NCOA2: variants seen among roughly 807,000 people sequenced by gnomAD.
The protein encoded by NCOA2 is class E basic helix-loop-helix protein 75.
In NCOA2, 21 loss-of-function variants were observed where a neutral mutation model predicts 145.1. The ratio of observed to expected loss-of-function variants is 0.14; its 90% confidence interval spans 0.10 to 0.21. NCOA2 has a LOEUF of 0.21. Ranked by LOEUF, NCOA2 falls within the 10% of genes least tolerant of loss-of-function variation. The pLI is 1.00. For missense variants in NCOA2, 1,472 were observed against 1,837.6 expected (o/e 0.80, Z 3.64); for synonymous variants, 619 against 637.5 (o/e 0.97, Z 0.44).
intron 1 of NCOA2, among the ~76,000 whole-genome samples, chr8:70,369,603 C>T (rs1437256059): frequency 6.6e-6 from 1 of 151,500 alleles, no homozygotes; most frequent in African/African-American, 2.4e-5. Context: ...CAATCTTTAT[C>T]ATCATCCTTC....
intron 21 of NCOA2, among the ~76,000 whole-genome samples, chr8:70,122,281 G>T (rs996193423): frequency 1.2e-4 from 18 of 152,150 alleles, no homozygotes; most frequent in African/African-American, 3.6e-4. Context: ...ATAGGGTCTT[G>T]ATCTGTTACC....
At chr8:70,233,843 A>C (rs1821360005) in intron 2 of NCOA2, among the ~76,000 whole-genome samples, 1 of 152,112 alleles carries the variant, frequency 6.6e-6, no homozygotes, top group Admixed American at 6.5e-5. Context: ...TCTATTTTAA[A>C]AATTATTTTT....
chr8:70,291,803 T>C (rs1350132230), intron 2 of NCOA2, among the ~76,000 whole-genome samples: 1 of 152,154 alleles, frequency 6.6e-6, no homozygotes, highest in Admixed American at 6.5e-5. Flanking sequence ...GATTAAGACT[T>C]TGAATAAGTT....
At chr8:70,401,566 A>C (rs1451232255) in intron 1 of NCOA2, among the ~76,000 whole-genome samples, 1 of 152,032 alleles carries the variant, frequency 6.6e-6, no homozygotes, top group Non-Finnish European at 1.5e-5. Flanking sequence ...TTTTAATGAC[A>C]TCCCCAATGC....
chr8:70,274,844 A>G (rs1338758620), intron 2 of NCOA2, among the ~76,000 whole-genome samples: 1 of 152,088 alleles, frequency 6.6e-6, no homozygotes, highest in Admixed American at 6.5e-5. Context: ...TCTCATCGCT[A>G]CTCGTGAACT....
intron 1 of NCOA2, among the ~76,000 whole-genome samples, chr8:70,398,778 A>G (rs1267332380): frequency 6.6e-6 from 1 of 152,236 alleles, no homozygotes; most frequent in Non-Finnish European, 1.5e-5. Flanking sequence ...ATTTCCAACC[A>G]GAGAACCAAC....
At chr8:70,293,160 T>C (rs755759376) in intron 2 of NCOA2, among the ~76,000 whole-genome samples, 4 of 152,194 alleles carry the variant, frequency 2.6e-5, no homozygotes, top group Non-Finnish European at 5.9e-5. Context: ...GCAAAAGATA[T>C]ATATTTCAGT....
intron 4 of NCOA2, among the ~76,000 whole-genome samples, chr8:70,210,465 G>A (rs775912803): frequency 1.3e-5 from 2 of 152,158 alleles, no homozygotes; most frequent in Non-Finnish European, 2.9e-5. Context: ...AAACTCTTGT[G>A]TGTACTTGCT....
upstream of NCOA2, chr8:70,403,934 G>T: frequency 2.7e-6 from 1 of 375,414 alleles, no homozygotes; most frequent in Non-Finnish European, 4.7e-6. Flanking sequence ...CAGGGGAGGG[G>T]GCTCGGGAGC....
intron 1 of NCOA2, among the ~76,000 whole-genome samples, chr8:70,303,805 T>TA (rs1279208433): frequency 1.3e-5 from 2 of 152,090 alleles, no homozygotes; most frequent in Non-Finnish European, 2.9e-5. Context: ...AGGGGGAAGA[T>TA]AAGTTATTGG....
chr8:70,368,721 T>C (rs988432748), intron 1 of NCOA2, among the ~76,000 whole-genome samples: 12 of 152,222 alleles, frequency 7.9e-5, no homozygotes, highest in African/African-American at 2.2e-4. Context: ...GACAGTATTA[T>C]TGGTCCTAAG....
chr8:70,229,764 A>T (rs908543281), intron 2 of NCOA2, among the ~76,000 whole-genome samples: 1 of 152,314 alleles, frequency 6.6e-6, no homozygotes, highest in East Asian at 1.9e-4. Flanking sequence ...CTCTGACCAG[A>T]CCTGCTGAAA....
rs144241940 is a variant in NCOA2 at position 70,361,483 on chromosome 8, AAAAG to A, written c.-77+42213_-77+42216del. Among the ~76,000 whole-genome samples the A allele has an allele frequency of 6.0e-3, 909 of 152,334 alleles. 5 individuals carry two copies. Among genetic ancestry groups the A allele is most frequent in the African/African-American group, 0.02 (837 of 41,572 alleles). ...AAAACTCCGTCTCAAAAAAGAAAAAAAAAGAAAGAAAGAAGAAAAACATGATTGA... is the reference window on the plus strand; with the variant it reads ...AAAACTCCGTCTCAAAAAAGAAAAAAAAAGAAAGAAGAAAAACATGATTGA... On this transcript the variant is annotated intron_variant, in intron 1 of 22. Transcript: ENST00000452400.
intron 4 of NCOA2, among the ~76,000 whole-genome samples, chr8:70,185,318 A>G (rs970500709): frequency 1.3e-5 from 2 of 152,218 alleles, no homozygotes; most frequent in Non-Finnish European, 2.9e-5. Flanking sequence ...CTAATGCAAA[A>G]AGCTGATAAT....
At chr8:70,233,102 G>A (rs1285123393) in intron 2 of NCOA2, among the ~76,000 whole-genome samples, 3 of 28,382 alleles carry the variant, frequency 1.1e-4, no homozygotes, top group Non-Finnish European at 2.3e-4. Flanking sequence ...GTGTCCGCCT[G>A]TACTCCCAAG....
In NCOA2 at chr8:70,197,134, C is replaced by A. The variant is rs1021035077; in HGVS notation, c.259+16769G>T. The stretch of plus-strand genomic sequence containing the variant: ...AAGTATAGTTAAGTAGCCCTGGATA[C>A]AAGGAATTTTGATTCTTAGTATTAG... On this transcript the variant is annotated intron_variant, in intron 4 of 22. Transcript: ENST00000452400. Among the ~76,000 whole-genome samples, 4 of 152,176 alleles carry A rather than the reference C, an allele frequency of 2.6e-5. No homozygotes were observed. The South Asian group carries it at 6.2e-4, about 24-fold the overall frequency.
At chr8:70,275,450 A>T (rs867076470) in intron 2 of NCOA2, among the ~76,000 whole-genome samples, 3 of 152,164 alleles carry the variant, frequency 2.0e-5, no homozygotes, top group Admixed American at 6.5e-5. Flanking sequence ...TTAATATTTA[A>T]AAGGAAACCT....
At chr8:70,148,179 G>C in intron 12 of NCOA2, 94 bp downstream of exon 12, 1 of 1,267,856 alleles carries the variant, frequency 7.9e-7, no homozygotes, top group Non-Finnish European at 1.1e-6. Flanking sequence ...ACCTTAAAGT[G>C]ACTAAGCTGG....
intron 2 of NCOA2, among the ~76,000 whole-genome samples, chr8:70,234,294 C>G (rs1821405894): frequency 6.6e-6 from 1 of 152,110 alleles, no homozygotes; most frequent in African/African-American, 2.4e-5. Flanking sequence ...TACTTTTTGG[C>G]TATTATGAAT....
Sources: allele counts gnomAD v4.1 joint callset (sites outside exome capture counted in the v4.1 genomes callset), GRCh38; gene constraint gnomAD v4.1.1; transcripts MANE v1.5; gene names NCBI Gene and HGNC (gene_info 2026-07-23, HGNC 2026-07-21).